The following DLG4 variants were observed in gnomAD, a reference collection of about 807,000 sequenced individuals.
DLG4 encodes disks large homolog 4.
A neutral mutation model predicts 93.8 loss-of-function variants in DLG4; 7 were observed. The observed-to-expected ratio is 0.07, with a 90% confidence interval of 0.04 to 0.14. The LOEUF (loss-of-function observed/expected upper bound fraction) is 0.14, where lower values mean the gene tolerates loss of function less well. DLG4 is among the 10% of genes least tolerant of loss of function. The pLI, the probability that DLG4 is intolerant of heterozygous loss-of-function variation, is 1.00. For missense variants in DLG4, 545 were observed against 992.9 expected (o/e 0.55, Z 6.06); for synonymous variants, 341 against 387.6 (o/e 0.88, Z 1.41).
rs983951366 is a variant in DLG4, at chr17:7,193,774, C to T, written c.1544-60G>A. On this transcript the variant is annotated intron_variant, in intron 14 of 19. Transcript: ENST00000399506. The surrounding 1 kb of genome is among the most constrained non-coding windows in gnomAD (Gnocchi z 6.7). ...AAACAGGGGACCTGGAGCCCTGTCTCCCCCTTGAGGATATCAAAAGCAACT... is the reference window on the plus strand; with the variant it reads ...AAACAGGGGACCTGGAGCCCTGTCTTCCCCTTGAGGATATCAAAAGCAACT... 6.2e-7 allele frequency: 1 copy of T among 1,610,618 alleles called. No individual in the cohort carries two copies. The highest frequency in any genetic ancestry group is 8.5e-7 in the Non-Finnish European group (1 of 1,178,418).
At chr17:7,197,361 T>G (rs2069847899) in intron 8 of DLG4, among the ~76,000 whole-genome samples, 1 of 152,094 alleles carries the variant, frequency 6.6e-6, no homozygotes, top group African/African-American at 2.4e-5. Context: ...TCTGGGTTCC[T>G]GTGTCACTCG....
At position 7,203,089 on chromosome 17, in the gene DLG4, G is replaced by A; in HGVS notation, c.643-42C>T. On this transcript the variant is annotated intron_variant, in intron 7 of 19. Transcript: ENST00000399506. The surrounding 1 kb of genome is among the most constrained non-coding windows in gnomAD (Gnocchi z 7.2). The stretch of plus-strand genomic sequence containing the variant: ...CAAAGCTCAGACAAAGCCACAAATG[G>A]CCCAAGACAGAAGCACTGGGGTGAA... 1.9e-6 allele frequency: 3 copies of A among 1,584,838 alleles called. No homozygotes were observed. The highest frequency in any genetic ancestry group is 2.6e-6 in the Non-Finnish European group (3 of 1,158,762).
intron 17 of DLG4, 76 bp from the exon 18 acceptor site, chr17:7,192,078 G>C: frequency 2.5e-6 from 2 of 805,868 alleles, no homozygotes; most frequent in Non-Finnish European, 3.7e-6. Flanking sequence ...GGAGGGACAC[G>C]GACGGGGAGA....
At chr17:7,192,922 A>G in intron 17 of DLG4, 23 bp downstream of exon 17, 1 of 1,587,050 alleles carries the variant, frequency 6.3e-7, no homozygotes, top group Non-Finnish European at 8.6e-7. Context: ...AAGGAAGAGG[A>G]CCGGGTGCCC....
intron 8 of DLG4, 106 bp from the exon 9 acceptor site, chr17:7,197,158 A>G: frequency 1.7e-6 from 2 of 1,148,698 alleles, no homozygotes; most frequent in East Asian, 2.6e-5. Flanking sequence ...GGAAGGGAAG[A>G]TATTCTGCCA....
chr17:7,218,245 C>G, upstream of DLG4: 1 of 1,609,592 alleles, frequency 6.2e-7, no homozygotes, highest in Non-Finnish European at 8.5e-7. Context: ...CCTTACCTGA[C>G]TCTCTGAGAG....
rs1378102023 is a variant in DLG4, at chr17:7,208,827, G to C, written c.31-588C>G. 1.3e-5 allele frequency among the ~76,000 whole-genome samples: 2 copies of C among 151,950 alleles called. No homozygotes were observed. Among genetic ancestry groups the C allele is most frequent in the Non-Finnish European group, 2.9e-5 (2 of 68,002 alleles). ...CTCTCCTTTACCTTGCACTCCTTAG[G>C]CAAGGACTGAAGTCACCCCTTCCAC... On this transcript the variant is annotated intron_variant, in intron 1 of 19. Transcript: ENST00000399506. The surrounding 1 kb of genome is among the most constrained non-coding windows in gnomAD (Gnocchi z 5.4).
chr17:7,196,346 C>A lies in DLG4; in HGVS notation c.1187-12G>T, dbSNP rs764219946. 3.1e-6 allele frequency: 5 copies of A among 1,613,802 alleles called. No individual in the cohort carries two copies. In the East Asian group the frequency reaches 1.1e-4, roughly 36 times the overall value. The stretch of plus-strand genomic sequence containing the variant: ...GAATCGGCTGTACTCTGAGGAAGGA[C>A]AGGGAGGTTTCTGAGCTCTGTCCCC... On this transcript the variant is annotated splice_polypyrimidine_tract_variant and intron_variant, in intron 10 of 19. Transcript: ENST00000399506. The surrounding 1 kb of genome is among the most constrained non-coding windows in gnomAD (Gnocchi z 8.3).
chr17:7,218,455 C>T, upstream of DLG4: 1 of 1,443,876 alleles, frequency 6.9e-7, no homozygotes, highest in Non-Finnish European at 9.5e-7. Flanking sequence ...CAGCTTGGAC[C>T]AAATGATCTC....
At chr17:7,204,833 C>A (rs1297641760) in intron 2 of DLG4, 4 of 578,072 alleles carry the variant, frequency 6.9e-6, no homozygotes, top group Non-Finnish European at 6.6e-6. Context: ...GGTTCCCCAG[C>A]TGCAGGCCCC....
chr17:7,204,191 C>A lies in DLG4; in HGVS notation c.150+8G>T, dbSNP rs1398290630. The stretch of plus-strand genomic sequence containing the variant: ...AATGGCCCCAGCCCCAAAATCTAAA[C>A]AACTCACATATCCTGGGGCTTCTAG... On this transcript the variant is annotated splice_region_variant and intron_variant, in intron 3 of 19. Transcript: ENST00000399506. 1.9e-6 allele frequency: 3 copies of A among 1,607,848 alleles called. No homozygotes were observed. Among genetic ancestry groups the A allele is most frequent in the Non-Finnish European group, 2.6e-6 (3 of 1,176,020 alleles).
At chr17:7,212,354 C>T (rs1476464812) in intron 1 of DLG4, among the ~76,000 whole-genome samples, 2 of 152,198 alleles carry the variant, frequency 1.3e-5, no homozygotes, top group Non-Finnish European at 1.5e-5. Context: ...TTGTTGGCCC[C>T]CCAAATTAAT....
chr17:7,192,216 G>C, intron 17 of DLG4: 18 of 426,366 alleles, frequency 4.2e-5, no homozygotes, highest in East Asian at 1.1e-4. Context: ...AAGATGGAGA[G>C]CACGGGAGAG....
rs774136213 is a variant in DLG4, at chr17:7,203,838, G to C, written c.211-22C>G. The C allele has an allele frequency of 2.5e-6, 4 of 1,612,444 alleles. No individual in the cohort carries two copies. In the African/African-American group the frequency reaches 5.3e-5, roughly 22 times the overall value. On this transcript the variant is annotated intron_variant, in intron 4 of 19. Transcript: ENST00000399506. This position sits in a 1 kb window ranked among gnomAD's most constrained non-coding sequence, Gnocchi z 7.2. ...TACCCTGGGTGAAGGAGGGGAAGAG[G>C]GTCAGCTCCCCTCACTGCCCAAGTC...
chr17:7,199,108 G>A (rs917927937), intron 8 of DLG4, among the ~76,000 whole-genome samples: 2 of 152,152 alleles, frequency 1.3e-5, no homozygotes, highest in African/African-American at 2.4e-5. Context: ...TGAAAGGGAG[G>A]ATAAATGCAT....
chr17:7,205,012 G>C (rs1055495863), intron 2 of DLG4: 99 of 985,162 alleles, frequency 1.0e-4, no homozygotes, highest in Non-Finnish European at 1.1e-4. Flanking sequence ...CCAAACTCCT[G>C]AGCGCAGAAG....
Position 7,190,735 on chromosome 17 carries a change from G to T in DLG4, c.2148C>A (p.Ile716=), listed in dbSNP as rs1238694934. ...AGAGTCTCTCTCGGGCTGGAACCCA[G>T]ATGTAGGGGCCTGAGAGGTCCTCGA... The part of the protein sequence containing the change: ...RVIEDLSGPY[I]WVPARERL Residue 716 remains isoleucine (I), a synonymous_variant, in exon 20 of 20, where the codon ATC becomes ATA. Transcript: ENST00000399506. The T allele has an allele frequency of 6.2e-7, 1 of 1,613,786 alleles. No homozygotes were observed.
At position 7,190,795 on chromosome 17, in the gene DLG4, G is replaced by C; in HGVS notation, c.2088C>G (p.Ser696Arg). 1 of 1,613,414 alleles carries C rather than the reference G, an allele frequency of 6.2e-7. No individual in the cohort carries two copies. Among genetic ancestry groups the C allele is most frequent in the Non-Finnish European group, 8.5e-7 (1 of 1,179,652 alleles). The change falls in exon 20 of 20, where the codon AGC (serine) becomes AGG (arginine). Residue 696 changes from serine to arginine, a missense_variant. This residue lies in a region of DLG4 where 428 missense variants were observed against 741.4 expected (regional missense o/e 0.58). Transcript: ENST00000399506. The part of the protein sequence containing the change: ...ECFSAIVEGD[S>R]FEEIYHKVKR... ...TCACCTTGTGGTAGATCTCCTCAAA[G>C]CTGTCACCCTCCACGATGGCTGGGA...
intron 1 of DLG4, among the ~76,000 whole-genome samples, chr17:7,216,187 C>T (rs1196401035): frequency 6.6e-6 from 1 of 152,040 alleles, no homozygotes; most frequent in African/African-American, 2.4e-5. Context: ...TCCTCCCCCA[C>T]CTTGATCCCA....
Sources: allele counts gnomAD v4.1 joint callset (sites outside exome capture counted in the v4.1 genomes callset), GRCh38; gene constraint gnomAD v4.1.1; regional missense constraint gnomAD v4.1.1; non-coding constraint Gnocchi (gnomAD v3.1); transcripts MANE v1.5; gene names NCBI Gene and HGNC (gene_info 2026-07-23, HGNC 2026-07-21).